The following PTPRD variants were observed in gnomAD, a reference collection of about 807,000 sequenced individuals.
The protein encoded by PTPRD is receptor-type tyrosine-protein phosphatase delta.
PTPRD carries 34 observed loss-of-function variants against 214.5 expected under a neutral mutation model. The ratio of observed to expected loss-of-function variants is 0.16; its 90% CI spans 0.12 to 0.21. PTPRD has a LOEUF of 0.21. Among genes scored for constraint, PTPRD ranks in the 10% least tolerant of loss-of-function variants. The pLI is 1.00. For synonymous variants in PTPRD, 1,128 were observed against 845.7 expected, an observed-to-expected ratio of 1.33 and a Z score of -5.79; for missense variants, 2,545 against 2,398.7, an observed-to-expected ratio of 1.06 and a Z score of -1.27.
At chr9:10,278,570 G>C (rs1311623564) in intron 3 of PTPRD, among the ~76,000 whole-genome samples, 1 of 152,134 alleles carries the variant, frequency 6.6e-6, no homozygotes, top group Non-Finnish European at 1.5e-5. Flanking sequence ...ATGTGTGTGT[G>C]TGTTGCTGCT....
chr9:8,858,836 C>A (rs1282939914), intron 11 of PTPRD, among the ~76,000 whole-genome samples: 1 of 134,642 alleles, frequency 7.4e-6, no homozygotes, highest in African/African-American at 2.9e-5. Flanking sequence ...CACATACACA[C>A]ACACAGACAC....
At chr9:8,729,486 A>G (rs1279230931) in intron 12 of PTPRD, among the ~76,000 whole-genome samples, 1 of 152,220 alleles carries the variant, frequency 6.6e-6, no homozygotes, top group Non-Finnish European at 1.5e-5. Context: ...CACGTGCTCA[A>G]TAAAACTGTT....
In PTPRD at chr9:9,630,018, G is replaced by T. The variant is rs1339443546; in HGVS notation, c.-286-55237C>A. 2.0e-5 allele frequency among the ~76,000 whole-genome samples: 3 copies of T among 152,208 alleles called. No individual in the cohort carries two copies. The East Asian group carries it at 5.8e-4, about 29-fold the overall frequency. On this transcript the variant is annotated intron_variant, in intron 7 of 45. Transcript: ENST00000381196. ...CTTTTGGAAAGTAAGGAAGATTGGT[G>T]CCCTGTGTATCCCTGGATCTGAGAG... is the stretch of plus-strand genomic sequence containing the variant.
intron 35 of PTPRD, among the ~76,000 whole-genome samples, chr9:8,429,697 T>A (rs780134844): frequency 1.3e-5 from 2 of 152,092 alleles, no homozygotes; most frequent in Admixed American, 6.5e-5. Flanking sequence ...TCAGCACATG[T>A]GGGTGCTGAA....
chr9:9,548,612 T>C (rs1224050960), intron 8 of PTPRD, among the ~76,000 whole-genome samples: 2 of 151,924 alleles, frequency 1.3e-5, no homozygotes, highest in Non-Finnish European at 2.9e-5. Flanking sequence ...CTGGCCAGGC[T>C]GGTCTCAAAG....
intron 5 of PTPRD, among the ~76,000 whole-genome samples, chr9:9,787,765 T>C (rs1179721044): frequency 6.6e-6 from 1 of 150,420 alleles, no homozygotes; most frequent in Non-Finnish European, 1.5e-5. Context: ...CGTATATCAA[T>C]TTTTTATTTA....
chr9:8,353,011 T>G (rs2075940453), intron 39 of PTPRD, among the ~76,000 whole-genome samples: 1 of 152,032 alleles, frequency 6.6e-6, no homozygotes, highest in Non-Finnish European at 1.5e-5. Context: ...CTAGGGAGGC[T>G]GAGACAGGAG....
At chr9:8,669,328 G>A (rs1466985008) in intron 12 of PTPRD, among the ~76,000 whole-genome samples, 1 of 152,134 alleles carries the variant, frequency 6.6e-6, no homozygotes, top group East Asian at 1.9e-4. Context: ...TGTATCTCCT[G>A]AAGGCTGGGG....
Position 9,248,130 on chromosome 9 carries a change from TCA to T in PTPRD, c.-202-64769_-202-64768del, listed in dbSNP as rs569298341. On this transcript the variant is annotated intron_variant, in intron 9 of 45. Transcript: ENST00000381196. ...TAATTTGAGACAGGGTCTCACTCTG[TCA>T]CCCAGGTTGGCATGCAGTGGTGTGA... Among the ~76,000 whole-genome samples, 659 of 152,156 alleles carry T rather than the reference TCA, an allele frequency of 4.3e-3. 3 individuals carry two copies. The highest frequency in any genetic ancestry group is 7.8e-3 in the Non-Finnish European group (529 of 68,000).
chr9:9,564,324 A>G (rs1009968184), intron 8 of PTPRD, among the ~76,000 whole-genome samples: 2 of 152,064 alleles, frequency 1.3e-5, no homozygotes, highest in African/African-American at 4.8e-5. Flanking sequence ...TCTTTCTCCA[A>G]ATTTTCATCA....
At chr9:9,968,299 T>C (rs1265476916) in intron 4 of PTPRD, among the ~76,000 whole-genome samples, 2 of 152,166 alleles carry the variant, frequency 1.3e-5, no homozygotes, top group African/African-American at 4.8e-5. Flanking sequence ...GATAATGACA[T>C]TTCTAGTAGA....
At chr9:9,443,440 T>C (rs2089077895) in intron 8 of PTPRD, among the ~76,000 whole-genome samples, 1 of 152,216 alleles carries the variant, frequency 6.6e-6, no homozygotes, top group Non-Finnish European at 1.5e-5. Context: ...AGTCTGTTTT[T>C]GGTCGCTTTG....
chr9:10,245,908 A>T (rs1177212333), intron 3 of PTPRD, among the ~76,000 whole-genome samples: 1 of 152,192 alleles, frequency 6.6e-6, no homozygotes, highest in Non-Finnish European at 1.5e-5. Context: ...ATTTTGAAGA[A>T]TTAAATTTTG....
chr9:8,368,947 C>G (rs2080740448), intron 39 of PTPRD, among the ~76,000 whole-genome samples: 1 of 152,110 alleles, frequency 6.6e-6, no homozygotes, highest in Non-Finnish European at 1.5e-5. Context: ...ACACTCCACC[C>G]ATTCTTATCG....
chr9:9,441,429 G>A (rs903505673), intron 8 of PTPRD, among the ~76,000 whole-genome samples: 1 of 152,208 alleles, frequency 6.6e-6, no homozygotes, highest in African/African-American at 2.4e-5. Flanking sequence ...CTATTGGAAA[G>A]ATAATGCTGT....
chr9:10,092,497 A>C, intron 3 of PTPRD, among the ~76,000 whole-genome samples: 1 of 151,476 alleles, frequency 6.6e-6, no homozygotes. Context: ...ACCTGTAATC[A>C]TTATTTGCCA....
chr9:8,924,749 C>T (rs2098856779), intron 11 of PTPRD, among the ~76,000 whole-genome samples: 1 of 152,060 alleles, frequency 6.6e-6, no homozygotes, highest in South Asian at 2.1e-4. Flanking sequence ...CAATTTCTGG[C>T]CATTCAGTAG....
In PTPRD at chr9:10,268,083, A is replaced by T. The variant is rs201189500; in HGVS notation, c.-545+72880T>A. 1.1e-4 allele frequency among the ~76,000 whole-genome samples: 16 copies of T among 150,424 alleles called. No homozygotes were observed. In the East Asian group the frequency reaches 2.1e-3, roughly 20 times the overall value. ...GTTGGAGGCTAGGAGTTCAAGACCA[A>T]CCTAAGCAACATAGCAAACCCCCAT... On this transcript the variant is annotated intron_variant, in intron 3 of 45. Transcript: ENST00000381196.
chr9:10,211,414 G>A (rs936697797), intron 3 of PTPRD, among the ~76,000 whole-genome samples: 1 of 152,046 alleles, frequency 6.6e-6, no homozygotes, highest in African/African-American at 2.4e-5. Context: ...TATTTAGATG[G>A]TCACCTTGCA....
Sources: allele counts gnomAD v4.1 joint callset (sites outside exome capture counted in the v4.1 genomes callset), GRCh38; gene constraint gnomAD v4.1.1; transcripts MANE v1.5; gene names NCBI Gene and HGNC (gene_info 2026-07-23, HGNC 2026-07-21).